Variants in PRRC2B observed in about 807,000 individuals in gnomAD.
PRRC2B encodes protein PRRC2B.
A neutral mutation model predicts 242.3 loss-of-function variants in PRRC2B; 68 were observed. That is an observed-to-expected ratio of 0.28 (90% CI 0.23 to 0.34). PRRC2B has a LOEUF of 0.34. Among genes scored for constraint, PRRC2B ranks in the 10% least tolerant of loss-of-function variants. The pLI, the probability that PRRC2B is intolerant of heterozygous loss-of-function variation, is 1.00. For missense variants in PRRC2B, 2,835 were observed against 2,954.8 expected, an observed-to-expected ratio of 0.96 and a Z score of 0.94; for synonymous variants, 1,228 against 1,173.6, an observed-to-expected ratio of 1.05 and a Z score of -0.95.
rs1217138491 is a variant in PRRC2B, at chr9:131,487,907, C to T, written c.6036C>T (p.Leu2012=). 6.2e-7 allele frequency: 1 copy of T among 1,613,780 alleles called. No individual in the cohort carries two copies. Among genetic ancestry groups the T allele is most frequent in the Non-Finnish European group, 8.5e-7 (1 of 1,179,792 alleles). Reference sequence around the variant, plus strand: ...TGTCACCGCCCAGCACCATGATCCTCTCTGGGGGCACAGCCTTGAAGCCTC... The same window carrying T: ...TGTCACCGCCCAGCACCATGATCCTTTCTGGGGGCACAGCCTTGAAGCCTC... ...PSLSPPSTMI[L]SGGTALKPPY... is the part of the protein sequence containing the mutation. The change falls in exon 28 of 32, where the codon CTC becomes CTT. Residue 2012 remains leucine, a synonymous_variant. Transcript: ENST00000683519. This position sits in a 1 kb window ranked among gnomAD's most constrained non-coding sequence, Gnocchi z 5.3.
At chr9:131,429,199 A>T (rs1838057989) in intron 1 of PRRC2B, among the ~76,000 whole-genome samples, 1 of 152,172 alleles carries the variant, frequency 6.6e-6, no homozygotes, top group African/African-American at 2.4e-5. Context: ...TGCCCACCTT[A>T]GCCTCCCAAA....
intron 11 of PRRC2B, among the ~76,000 whole-genome samples, chr9:131,463,880 C>T (rs543458244): frequency 2.0e-5 from 3 of 151,186 alleles, no homozygotes; most frequent in African/African-American, 4.9e-5. Flanking sequence ...CAGTCCCCCA[C>T]GTTGGCCCCC....
intron 1 of PRRC2B, among the ~76,000 whole-genome samples, chr9:131,402,947 G>T (rs1353616459): frequency 6.6e-6 from 1 of 152,208 alleles, no homozygotes; most frequent in Non-Finnish European, 1.5e-5. Context: ...CGGGAAGCCG[G>T]CGTCAACTTC....
In PRRC2B at chr9:131,477,882, C is replaced by A. The variant is rs1284458523; in HGVS notation, c.4545C>A (p.Ala1515=). ...EASSKKAEKE[A]KLAAPRAGEQ... The stretch of plus-strand genomic sequence containing the variant: ...CCAGTAAAAAGGCAGAGAAGGAGGC[C>A]AAGTTGGCTGCTCCGAGGGCAGGTG... Residue 1515 remains alanine (A), a synonymous_variant, in exon 17 of 32, where the codon GCC becomes GCA. Transcript: ENST00000683519. The A allele has an allele frequency of 6.2e-7, 1 of 1,613,970 alleles. No individual in the cohort carries two copies.
chr9:131,427,405 A>T (rs1049051444), intron 1 of PRRC2B, among the ~76,000 whole-genome samples: 1 of 151,944 alleles, frequency 6.6e-6, no homozygotes, highest in Non-Finnish European at 1.5e-5. Context: ...ATCTCAGCTC[A>T]CTGCAAGCTC....
intron 4 of PRRC2B, 64 bp downstream of exon 4, chr9:131,436,786 C>T: frequency 7.4e-7 from 1 of 1,350,364 alleles, no homozygotes; most frequent in Non-Finnish European, 1.0e-6. Flanking sequence ...CTCTTTGTTG[C>T]TGGGGGATGG....
chr9:131,470,758 C>T, intron 13 of PRRC2B, 30 bp from the exon 14 acceptor site: 1 of 1,598,456 alleles, frequency 6.3e-7, no homozygotes, highest in East Asian at 2.3e-5. Context: ...CCGCACCAGC[C>T]TGACCAAGTC....
At chr9:131,481,311 C>CAAAAAAAAAAAAAAAAAAAAAAAAAA (rs11404767) in intron 19 of PRRC2B, among the ~76,000 whole-genome samples, 1 of 79,260 alleles carries the variant, frequency 1.3e-5, no homozygotes, top group African/African-American at 5.8e-5. Context: ...ACTCCGTCTC[C>CAAAAAAAAAAAAAAAAAAAAAAAAAA]AAAAAAAAAA....
rs1211960880 is a variant in PRRC2B, at chr9:131,475,578, A to C, written c.3449A>C (p.Gln1150Pro). ...GAAGAACTTCCCAAGCGCCGCCGGC[A>C]GAGGGGCTCCGAGAACGGGAATGAA... Reference protein sequence around the residue: ...EYEELPKRRRQRGSENGNEGS... With the variant: ...EYEELPKRRRPRGSENGNEGS... The change falls in exon 16 of 32, where the codon CAG becomes CCG. Residue 1150 changes from glutamine (Q) to proline (P), a missense_variant. Physicochemically the swap from Gln to Pro is moderately conservative, Grantham distance 76. Transcript: ENST00000683519. 6.2e-7 allele frequency: 1 copy of C among 1,612,902 alleles called. No homozygotes were observed. Among genetic ancestry groups the C allele is most frequent in the South Asian group, 1.1e-5 (1 of 91,056 alleles).
intron 10 of PRRC2B, among the ~76,000 whole-genome samples, chr9:131,456,365 C>T (rs560436767): frequency 1.3e-5 from 2 of 152,092 alleles, no homozygotes; most frequent in South Asian, 2.1e-4. Context: ...GGCACGGTGG[C>T]TCACGCCTGT....
intron 14 of PRRC2B, among the ~76,000 whole-genome samples, chr9:131,472,528 G>A (rs1943576691): frequency 6.9e-6 from 1 of 145,718 alleles, no homozygotes; most frequent in African/African-American, 2.6e-5. Context: ...CCAGGCTGGA[G>A]TGCAGTGGTG....
intron 13 of PRRC2B, among the ~76,000 whole-genome samples, chr9:131,470,195 C>T (rs193216321): frequency 3.9e-5 from 6 of 152,330 alleles, no homozygotes; most frequent in Non-Finnish European, 5.9e-5. Context: ...GGCAAAGTCA[C>T]ACGGGACCCA....
Position 131,400,951 on chromosome 9 carries a change from GTTTC to G in PRRC2B, c.-52+6700_-52+6703del, listed in dbSNP as rs199806813. On this transcript the variant is annotated intron_variant, in intron 1 of 31. Transcript: ENST00000683519. ...CTAACTTTGGCCTCATCCTCTTGTG[GTTTC>G]TTTCTTTCTTTTTTTTTTTTTTTGA... Among the ~76,000 whole-genome samples, 1,484 of 150,494 alleles carry G rather than the reference GTTTC, an allele frequency of 9.9e-3. 13 individuals are homozygous for G. Among genetic ancestry groups the G allele is most frequent in the Middle Eastern group, 0.024 (7 of 286 alleles).
At position 131,482,923 on chromosome 9, in the gene PRRC2B, G is replaced by C; in HGVS notation, c.5373+16G>C. 1.3e-6 allele frequency: 2 copies of C among 1,593,986 alleles called. No homozygotes were observed. The highest frequency in any genetic ancestry group is 2.3e-5 in the East Asian group (1 of 44,044). On this transcript the variant is annotated intron_variant, in intron 22 of 31. Coordinates refer to ENST00000683519, the MANE Select transcript of PRRC2B (RefSeq NM_013318.4). The surrounding 1 kb of genome is among the most constrained non-coding windows in gnomAD (Gnocchi z 5.2). ...CAGTCCAAAAGTGAGGCTTTGATTT[G>C]TTTTCTTGCTTGCTTTTTTTACTTT... is the stretch of plus-strand genomic sequence containing the variant.
At chr9:131,400,029 C>T (rs1224403335) in intron 1 of PRRC2B, among the ~76,000 whole-genome samples, 2 of 152,222 alleles carry the variant, frequency 1.3e-5, no homozygotes, top group South Asian at 4.2e-4. Context: ...GATCGGTTGT[C>T]TCCTTCAGTC....
intron 1 of PRRC2B, among the ~76,000 whole-genome samples, chr9:131,417,830 A>G (rs1179282950): frequency 2.6e-5 from 4 of 152,108 alleles, no homozygotes; most frequent in Admixed American, 2.6e-4. Context: ...CTCTTTATGT[A>G]CACGGGTGTG....
At chr9:131,383,308 G>A (rs1836784973) in intron 1 of PRRC2B, among the ~76,000 whole-genome samples, 1 of 152,196 alleles carries the variant, frequency 6.6e-6, no homozygotes. Context: ...TGGAGAACAG[G>A]TGCAGAGCAT....
At chr9:131,384,083 ATTTTTTTTTTTTT>A (rs111724850) in intron 1 of PRRC2B, among the ~76,000 whole-genome samples, 1 of 58,988 alleles carries the variant, frequency 1.7e-5, no homozygotes, top group South Asian at 6.5e-4. Context: ...ATACCCGGCT[ATTTTTTTTTTTTT>A]TTTTTTTTTT....
chr9:131,488,192 T>C (rs756404699), intron 28 of PRRC2B, 96 bp downstream of exon 28: 297 of 1,471,874 alleles, frequency 2.0e-4, no homozygotes, highest in Non-Finnish European at 1.5e-4. Flanking sequence ...TGCTGGCCTA[T>C]CGTGCTGTTG....
Sources: allele counts gnomAD v4.1 joint callset (sites outside exome capture counted in the v4.1 genomes callset), GRCh38; gene constraint gnomAD v4.1.1; non-coding constraint Gnocchi (gnomAD v3.1); transcripts MANE v1.5; gene names NCBI Gene and HGNC (gene_info 2026-07-23, HGNC 2026-07-21).